PDGFD: variants seen among roughly 807,000 people sequenced by gnomAD.
PDGFD encodes the protein platelet-derived growth factor D.
PDGFD carries 30 observed loss-of-function variants against 44.7 expected under a neutral mutation model. The observed-to-expected ratio is 0.67, with a 90% confidence interval of 0.50 to 0.91. PDGFD has a LOEUF of 0.91. Ranked by LOEUF, PDGFD falls within the 40% of genes least tolerant of loss-of-function variation. PDGFD has a pLI of 0.00. For missense variants in PDGFD, 445 were observed against 457.8 expected (o/e 0.97, Z 0.25); for synonymous variants, 173 against 168.4 (o/e 1.03, Z -0.21).
At chr11:104,145,064 A>G (rs1479935155) in intron 1 of PDGFD, among the ~76,000 whole-genome samples, 1 of 152,232 alleles carries the variant, frequency 6.6e-6, no homozygotes, top group Non-Finnish European at 1.5e-5. Flanking sequence ...ACTATTTAAT[A>G]TTCACATTTA....
chr11:104,151,901 T>G (rs1031347445), intron 1 of PDGFD, among the ~76,000 whole-genome samples: 9 of 151,946 alleles, frequency 5.9e-5, no homozygotes, highest in African/African-American at 2.2e-4. Flanking sequence ...AGTTTGATCA[T>G]CAAGACGGAA....
rs139845096 is a variant in PDGFD, at chr11:103,998,186, C to T, written c.329+1865G>A. On this transcript the variant is annotated intron_variant, in intron 2 of 6. Transcript: ENST00000393158. ...TTTCTGAGTGCTGGGGTTAGAGGAG[C>T]ATCTTTTTTTATTCATAATAAGCCC... Among the ~76,000 whole-genome samples the T allele has an allele frequency of 6.1e-3, 930 of 152,268 alleles. 11 individuals are homozygous for T. The highest frequency in any genetic ancestry group is 0.021 in the African/African-American group (881 of 41,546).
intron 1 of PDGFD, among the ~76,000 whole-genome samples, chr11:104,122,000 T>A (rs1360679307): frequency 1.3e-5 from 2 of 152,100 alleles, no homozygotes; most frequent in Non-Finnish European, 2.9e-5. Flanking sequence ...AGTGTTTTTA[T>A]ACTGGTCTTA....
At chr11:104,003,568 T>C (rs1015477776) in intron 1 of PDGFD, among the ~76,000 whole-genome samples, 6 of 152,160 alleles carry the variant, frequency 3.9e-5, no homozygotes, top group African/African-American at 1.4e-4. Context: ...TGGTTAGAGG[T>C]AGCAGCAGCA....
At chr11:104,119,595 T>C (rs1190383386) in intron 1 of PDGFD, among the ~76,000 whole-genome samples, 5 of 95,480 alleles carry the variant, frequency 5.2e-5, no homozygotes, top group Admixed American at 1.8e-4. Context: ...TGATATAATA[T>C]ATAATATATT....
At chr11:104,036,805 C>G in intron 1 of PDGFD, 1 of 1,602,576 alleles carries the variant, frequency 6.2e-7, no homozygotes, top group Non-Finnish European at 8.5e-7. Context: ...GCTAGCCCGG[C>G]CCGCCCGGGC....
At chr11:103,940,998 A>G (rs1195131969) in intron 5 of PDGFD, among the ~76,000 whole-genome samples, 1 of 152,140 alleles carries the variant, frequency 6.6e-6, no homozygotes, top group African/African-American at 2.4e-5. Flanking sequence ...CTAACACTGG[A>G]TTAGTAATAT....
At chr11:103,992,725 C>T (rs1859476301) in intron 3 of PDGFD, among the ~76,000 whole-genome samples, 1 of 152,186 alleles carries the variant, frequency 6.6e-6, no homozygotes, top group Non-Finnish European at 1.5e-5. Context: ...AATAAGTTAT[C>T]TTGATGTTAT....
intron 1 of PDGFD, among the ~76,000 whole-genome samples, chr11:104,108,032 T>G (rs1253134267): frequency 6.6e-6 from 1 of 152,142 alleles, no homozygotes; most frequent in Non-Finnish European, 1.5e-5. Context: ...TTACAGAGAT[T>G]GCAGATGATT....
chr11:103,975,604 C>CTAGGTTT (rs753896696), intron 3 of PDGFD, among the ~76,000 whole-genome samples: 22 of 152,006 alleles, frequency 1.4e-4, no homozygotes, highest in South Asian at 2.1e-4. Flanking sequence ...AGGTTTTCTT[C>CTAGGTTT]TAGGTTTTAG....
rs1591182714 is a variant in PDGFD, at chr11:104,138,476, G to A, written c.124+25328C>T. On this transcript the variant is annotated intron_variant, in intron 1 of 6. Coordinates refer to ENST00000393158, the MANE Select transcript of PDGFD (RefSeq NM_025208.5). ...AAATAAAGGCTTATGTTTCCTCCTA[G>A]CCCTATGTGTATTATAGCAAAGCAC... is the stretch of plus-strand genomic sequence containing the variant. Among the ~76,000 whole-genome samples, 3 of 152,116 alleles carry A rather than the reference G, an allele frequency of 2.0e-5. No homozygotes were observed. The East Asian group carries it at 5.8e-4, about 29-fold the overall frequency.
At chr11:104,019,993 T>C (rs1163839581) in intron 1 of PDGFD, among the ~76,000 whole-genome samples, 1 of 152,122 alleles carries the variant, frequency 6.6e-6, no homozygotes, top group African/African-American at 2.4e-5. Flanking sequence ...AATGTTTTAC[T>C]AAATGTAAAA....
chr11:103,982,179 G>A lies in PDGFD; in HGVS notation c.510+13886C>T, dbSNP rs894347087. On this transcript the variant is annotated intron_variant, in intron 3 of 6. Transcript: ENST00000393158. ...GGTATGCTGGTATGATTGCAACATC[G>A]GAGTAGGAGACAGCAAGTCTTTCAG... Among the ~76,000 whole-genome samples, 29 of 151,766 alleles carry A rather than the reference G, an allele frequency of 1.9e-4. 1 individual carries two copies. Among genetic ancestry groups the A allele is most frequent in the African/African-American group, 6.1e-4 (25 of 41,178 alleles).
intron 1 of PDGFD, among the ~76,000 whole-genome samples, chr11:104,139,470 A>G (rs915334302): frequency 6.6e-6 from 1 of 152,230 alleles, no homozygotes; most frequent in African/African-American, 2.4e-5. Flanking sequence ...ACAGGCTTAC[A>G]TGGATCCAAA....
intron 1 of PDGFD, among the ~76,000 whole-genome samples, chr11:104,017,357 G>T (rs938095389): frequency 8.0e-5 from 12 of 150,234 alleles, no homozygotes; most frequent in East Asian, 3.9e-4. Flanking sequence ...CGTTTTTTTT[G>T]TTTTTTTTTA....
chr11:103,927,053 T>G lies in PDGFD; in HGVS notation c.846A>C (p.Arg282Ser). The change falls in exon 6 of 7, where the codon AGA becomes AGC. Residue 282 changes from arginine (R) to serine (S), a missense_variant. Physicochemically the swap from Arg to Ser is moderately radical, Grantham distance 110 (BLOSUM62 -1). Transcript: ENST00000393158. ...CTPRNYSVNI[R>S]EELKLANVVF... ...CCACATTGGCCAACTTCAGCTCTTC[T>G]CTTATATTGACCGAGTAATTCCTGG... The G allele has an allele frequency of 6.2e-7, 1 of 1,614,178 alleles. No homozygotes were observed. Among genetic ancestry groups the G allele is most frequent in the East Asian group, 2.2e-5 (1 of 44,886 alleles).
intron 3 of PDGFD, among the ~76,000 whole-genome samples, chr11:103,970,263 A>G (rs1269443387): frequency 2.0e-5 from 3 of 152,128 alleles, no homozygotes; most frequent in Non-Finnish European, 4.4e-5. Context: ...TGGCTATTAC[A>G]GCATATCACA....
At chr11:104,053,876 T>C (rs1052186705) in intron 1 of PDGFD, among the ~76,000 whole-genome samples, 5 of 152,226 alleles carry the variant, frequency 3.3e-5, no homozygotes, top group African/African-American at 1.2e-4. Context: ...TTGGTTATGA[T>C]GGTACTTTGC....
intron 1 of PDGFD, among the ~76,000 whole-genome samples, chr11:104,154,001 G>T (rs1309988512): frequency 1.3e-5 from 2 of 151,994 alleles, no homozygotes; most frequent in Non-Finnish European, 2.9e-5. Flanking sequence ...TAAACAAAGG[G>T]TATCCAACAA....
Sources: allele counts gnomAD v4.1 joint callset (sites outside exome capture counted in the v4.1 genomes callset), GRCh38; gene constraint gnomAD v4.1.1; transcripts MANE v1.5; gene names NCBI Gene and HGNC (gene_info 2026-07-23, HGNC 2026-07-21).